The following PFKFB2 variants were observed in gnomAD, a reference collection of about 807,000 sequenced individuals.
The protein encoded by PFKFB2 is 6-phosphofructo-2-kinase/fructose-2,6-bisphosphatase 2.
A neutral mutation model predicts 68.0 loss-of-function variants in PFKFB2; 53 were observed. The observed-to-expected ratio is 0.78, with a 90% CI of 0.63 to 0.98. The LOEUF is 0.98. Ranked by LOEUF, PFKFB2 falls within the 50% of genes least tolerant of loss-of-function variation. The probability of loss-of-function intolerance (pLI) is 0.00; values close to 1 mark genes in which losing one functional copy is unlikely to be tolerated. For synonymous variants in PFKFB2, 222 were observed against 227.6 expected (o/e 0.98, Z 0.22); for missense variants, 451 against 642.0 (o/e 0.70, Z 3.22).
chr1:207,067,756 G>C (rs766006505), intron 9 of PFKFB2, 50 bp downstream of exon 9: 2 of 1,409,656 alleles, frequency 1.4e-6, no homozygotes, highest in Non-Finnish European at 2.0e-6. Context: ...AGTTAGAAGG[G>C]CATGACTGAG....
chr1:207,070,472 C>A lies in PFKFB2; in HGVS notation c.1222+63C>A. Reference sequence around the variant, plus strand: ...GGAGAGGGCTGGACTTGCAGTGGCACCAGGATTCCTGGGAAACAGACCTCC... The same window carrying A: ...GGAGAGGGCTGGACTTGCAGTGGCAACAGGATTCCTGGGAAACAGACCTCC... On this transcript the variant is annotated intron_variant, in intron 12 of 14. Coordinates refer to ENST00000367080, the MANE Select transcript of PFKFB2 (RefSeq NM_006212.2). The surrounding 1 kb of genome is among the most constrained non-coding windows in gnomAD (Gnocchi z 4.2). The A allele has an allele frequency of 6.4e-7, 1 of 1,566,922 alleles. No homozygotes were observed. The highest frequency in any genetic ancestry group is 8.7e-7 in the Non-Finnish European group (1 of 1,148,360).
upstream of PFKFB2, chr1:207,050,799 C>A: frequency 6.2e-7 from 1 of 1,613,396 alleles, no homozygotes; most frequent in Non-Finnish European, 8.5e-7. Flanking sequence ...CCGGTGATGG[C>A]GGCAATTTGG....
chr1:207,076,134 A>G lies in PFKFB2; in HGVS notation c.*3763A>G, dbSNP rs1683615329. On this transcript the variant is annotated 3_prime_UTR_variant, in exon 15 of 15. Transcript: ENST00000367080. ...TAGACTGAATGGGTGAGTATTCCATATGAGGATCTGGGTAATCCTCTTTGC... is the reference window on the plus strand; with the variant it reads ...TAGACTGAATGGGTGAGTATTCCATGTGAGGATCTGGGTAATCCTCTTTGC... 1 of 985,306 alleles carries G rather than the reference A, an allele frequency of 1.0e-6. No homozygotes were observed. Among genetic ancestry groups the G allele is most frequent in the Non-Finnish European group, 1.2e-6 (1 of 829,924 alleles). The allele number at this position is 985,306 out of a possible 1,614,324, so 61.0% of individuals were successfully genotyped here.
intron 1 of PFKFB2, among the ~76,000 whole-genome samples, chr1:207,035,868 G>A (rs926300178): frequency 1.3e-5 from 2 of 152,100 alleles, no homozygotes; most frequent in Admixed American, 6.5e-5. Flanking sequence ...GCTAACATGC[G>A]TACTCAGTAT....
In PFKFB2 at chr1:207,075,325, T is replaced by C. The variant is rs1683591319; in HGVS notation, c.*2954T>C. The C allele has an allele frequency of 1.0e-6, 1 of 985,292 alleles. No homozygotes were observed. The highest frequency in any genetic ancestry group is 1.2e-6 in the Non-Finnish European group (1 of 829,936). 61.0% of individuals were successfully genotyped at this position (985,292 alleles called of 1,614,324 possible). ...CAGATAGGACATGAGAAATTGGAAT[T>C]TGGCAAGCAAGGGCTTCAGCATCCT... On this transcript the variant is annotated 3_prime_UTR_variant, in exon 15 of 15. Transcript: ENST00000367080.
chr1:207,074,043 A>G lies in PFKFB2; in HGVS notation c.*1672A>G. ...TTAGAATTGCCTTTAGGATTGTTGA[A>G]TCATAAACATGCCTGTGTCCACCTT... On this transcript the variant is annotated 3_prime_UTR_variant, in exon 15 of 15. Transcript: ENST00000367080. The G allele has an allele frequency of 1.1e-6, 1 of 929,476 alleles. No homozygotes were observed. The highest frequency in any genetic ancestry group is 5.0e-5 in the South Asian group (1 of 20,194). The allele number at this position is 929,476 out of a possible 1,614,324, so 57.6% of individuals were successfully genotyped here.
At chr1:207,051,164 C>A, upstream of PFKFB2, 10 of 1,413,216 alleles carry the variant, frequency 7.1e-6, no homozygotes, top group Non-Finnish European at 9.2e-6. Context: ...ATGTAAACCT[C>A]CGTATTCCTA....
Position 207,063,634 on chromosome 1 carries a change from T to C in PFKFB2, c.451-139T>C. 1.2e-6 allele frequency: 1 copy of C among 810,134 alleles called. No homozygotes were observed. The highest frequency in any genetic ancestry group is 2.2e-6 in the Non-Finnish European group (1 of 459,030). 50.2% of individuals were successfully genotyped at this position (810,134 alleles called of 1,614,324 possible). ...GAGGCCCAGGGGCTGTGGTAAGAGCTATGAGGAGGACTTGAGGGCCACTTT... is the reference window on the plus strand; with the variant it reads ...GAGGCCCAGGGGCTGTGGTAAGAGCCATGAGGAGGACTTGAGGGCCACTTT... On this transcript the variant is annotated intron_variant, in intron 6 of 14. Coordinates refer to ENST00000367080, the MANE Select transcript of PFKFB2 (RefSeq NM_006212.2). This position sits in a 1 kb window ranked among gnomAD's most constrained non-coding sequence, Gnocchi z 4.1.
At chr1:207,064,169 G>A (rs549472383) in intron 7 of PFKFB2, among the ~76,000 whole-genome samples, 10 of 152,194 alleles carry the variant, frequency 6.6e-5, no homozygotes, top group East Asian at 1.9e-4. Flanking sequence ...TAGATCAGCC[G>A]GGCACGGTGG....
upstream of PFKFB2, chr1:207,051,030 T>C (rs1033576762): frequency 3.3e-6 from 5 of 1,501,322 alleles, no homozygotes; most frequent in Non-Finnish European, 4.4e-6. Flanking sequence ...GGGCCAAACA[T>C]CGCGAGAAGT....
upstream of PFKFB2, chr1:207,049,852 G>A (rs536099898): frequency 8.8e-6 from 7 of 797,130 alleles, no homozygotes; most frequent in East Asian, 5.4e-5. Context: ...GGAGAATACA[G>A]TTTTGCAAGT....
At chr1:207,079,629 C>T (rs1461342352), downstream of PFKFB2, 1 of 152,620 alleles carries the variant, frequency 6.6e-6, no homozygotes. Context: ...TTTTCTTGTT[C>T]CAGGCCCTTC....
intron 1 of PFKFB2, among the ~76,000 whole-genome samples, chr1:207,040,003 T>C (rs568957956): frequency 2.0e-5 from 3 of 152,324 alleles, no homozygotes; most frequent in Non-Finnish European, 4.4e-5. Context: ...CCAATTAATG[T>C]GCTCTAGTGA....
chr1:207,036,712 A>G (rs755909019), intron 1 of PFKFB2, among the ~76,000 whole-genome samples: 7 of 152,210 alleles, frequency 4.6e-5, no homozygotes, highest in Non-Finnish European at 8.8e-5. Context: ...ACAACAACAA[A>G]AACCATGTTT....
rs762186384 is a variant in PFKFB2 at position 207,071,241 on chromosome 1, G to A, written c.1276G>A (p.Val426Met). 1.2e-6 allele frequency: 2 copies of A among 1,612,782 alleles called. No homozygotes were observed. Among genetic ancestry groups the A allele is most frequent in the African/African-American group, 1.3e-5 (1 of 74,966 alleles). ...CCATACCATCTTCAAACTTACTCCT[G>A]TGGCCTATGGTAACTATGCACATAG... is the stretch of plus-strand genomic sequence containing the variant. ...PLHTIFKLTP[V>M]AYGCKVETIK... Residue 426 changes from valine (V) to methionine (M), a missense_variant, in exon 13 of 15, where the codon GTG (valine) becomes ATG (methionine). Val to Met is a conservative substitution (Grantham distance 21, BLOSUM62 1). Coordinates refer to ENST00000367080, the MANE Select transcript of PFKFB2 (RefSeq NM_006212.2).
At chr1:207,071,346 A>T in intron 13 of PFKFB2, 96 bp downstream of exon 13, 1 of 1,164,376 alleles carries the variant, frequency 8.6e-7, no homozygotes, top group South Asian at 1.2e-5. Flanking sequence ...TTATCCCTAT[A>T]TACCAGGGAA....
At chr1:207,050,459 G>C (rs1189005951), upstream of PFKFB2, among the ~76,000 whole-genome samples, 1 of 152,172 alleles carries the variant, frequency 6.6e-6, no homozygotes, top group Non-Finnish European at 1.5e-5. Context: ...ATGGGGAAGG[G>C]GGTCTTCAAG....
upstream of PFKFB2, chr1:207,049,491 G>C: frequency 6.2e-7 from 1 of 1,614,096 alleles, no homozygotes; most frequent in Non-Finnish European, 8.5e-7. Context: ...AGTCTGGATC[G>C]CTTGCTACAA....
At chr1:207,050,960 T>C (rs1234695787), upstream of PFKFB2, 14 of 1,558,964 alleles carry the variant, frequency 9.0e-6, no homozygotes, top group Non-Finnish European at 1.1e-5. Context: ...GGCAGCCTGT[T>C]GGGAGACGCC....
Sources: allele counts gnomAD v4.1 joint callset (sites outside exome capture counted in the v4.1 genomes callset), GRCh38; gene constraint gnomAD v4.1.1; non-coding constraint Gnocchi (gnomAD v3.1); transcripts MANE v1.5; gene names NCBI Gene and HGNC (gene_info 2026-07-23, HGNC 2026-07-21).